The following PCDHA12 variants were observed in gnomAD, a reference collection of about 807,000 sequenced individuals.
The protein encoded by PCDHA12 is protocadherin alpha-12.
Under a neutral mutation model 60.0 loss-of-function variants are expected in PCDHA12, and 44 were observed. The ratio of observed to expected loss-of-function variants is 0.73; its 90% CI spans 0.58 to 0.94. The LOEUF (loss-of-function observed/expected upper bound fraction) is 0.94. Ranked by LOEUF, PCDHA12 falls within the 40% of genes least tolerant of loss-of-function variation. The pLI is 0.00. For synonymous variants in PCDHA12, 569 were observed against 553.0 expected, an observed-to-expected ratio of 1.03 and a Z score of -0.40; for missense variants, 1,276 against 1,239.7, an observed-to-expected ratio of 1.03 and a Z score of -0.44.
At chr5:141,007,869 T>C (rs2098349373) in intron 3 of PCDHA12, among the ~76,000 whole-genome samples, 1 of 152,262 alleles carries the variant, frequency 6.6e-6, no homozygotes, top group African/African-American at 2.4e-5. Flanking sequence ...TCTTTTCCTT[T>C]GTCTTACACT....
At chr5:140,982,360 AG>A in intron 2 of PCDHA12, 114 bp from the exon 3 acceptor site, 1 of 1,527,158 alleles carries the variant, frequency 6.5e-7, no homozygotes, top group Non-Finnish European at 8.8e-7. Context: ...AAGCATGAGC[AG>A]AATGTGTTAG....
chr5:140,951,966 C>G (rs1554220177), intron 1 of PCDHA12, among the ~76,000 whole-genome samples: 1 of 152,128 alleles, frequency 6.6e-6, no homozygotes, highest in African/African-American at 2.4e-5. Flanking sequence ...GGTAAATACT[C>G]CTGTTCCAAA....
intron 1 of PCDHA12, among the ~76,000 whole-genome samples, chr5:140,889,628 TTTTC>T (rs2062304515): frequency 6.6e-6 from 1 of 152,186 alleles, no homozygotes; most frequent in African/African-American, 2.4e-5. Flanking sequence ...ATTTCTCTTC[TTTTC>T]ATTTGTGTTT....
intron 1 of PCDHA12, chr5:140,930,518 T>G (rs782236970): frequency 3.3e-5 from 5 of 152,592 alleles, no homozygotes; most frequent in Non-Finnish European, 5.9e-5. Flanking sequence ...CCACTGCAGC[T>G]GGCCCTCAAA....
intron 1 of PCDHA12, among the ~76,000 whole-genome samples, chr5:140,905,012 C>A (rs1335177928): frequency 6.6e-6 from 1 of 152,054 alleles, no homozygotes; most frequent in Non-Finnish European, 1.5e-5. Context: ...TTTGCTAATT[C>A]TTTTCTATGC....
chr5:140,912,227 C>T (rs1422799663), intron 1 of PCDHA12, among the ~76,000 whole-genome samples: 1 of 151,784 alleles, frequency 6.6e-6, no homozygotes, highest in Non-Finnish European at 1.5e-5. Flanking sequence ...TTTCCCAGTC[C>T]ACTGACTCAA....
chr5:140,950,581 C>T (rs1158445917), intron 1 of PCDHA12, among the ~76,000 whole-genome samples: 2 of 151,860 alleles, frequency 1.3e-5, no homozygotes, highest in Non-Finnish European at 2.9e-5. Flanking sequence ...TTCTACTTAC[C>T]TTTGGTTTAG....
chr5:140,875,342 A>T lies in PCDHA12; in HGVS notation c.-131A>T. On this transcript the variant is annotated 5_prime_UTR_variant, in exon 1 of 4. Transcript: ENST00000398631. ...TCATTCACGGAATAGGATCGACTCC[A>T]TAATGACTGTGATGCTGGAAAAAAT... 6.9e-7 allele frequency: 1 copy of T among 1,443,152 alleles called. No individual in the cohort carries two copies. Among genetic ancestry groups the T allele is most frequent in the Non-Finnish European group, 9.1e-7 (1 of 1,101,744 alleles). The allele number at this position is 1,443,152 out of a possible 1,614,324, so 89.4% of individuals were successfully genotyped here. A position where few individuals can be genotyped will look rare whatever the true frequency, so the allele number is the denominator to read the frequency against.
intron 3 of PCDHA12, among the ~76,000 whole-genome samples, chr5:141,003,906 T>C (rs2153979379): frequency 6.6e-6 from 1 of 152,260 alleles, no homozygotes; most frequent in South Asian, 2.1e-4. Context: ...TTCATTTGGG[T>C]CTTGACTGCA....
At position 141,001,385 on chromosome 5, in the gene PCDHA12, T is replaced by A. The variant is rs540420313; in HGVS notation, c.2516-8242T>A. 3.9e-5 allele frequency among the ~76,000 whole-genome samples: 6 copies of A among 152,316 alleles called. No homozygotes were observed. The East Asian group carries it at 1.2e-3, about 29-fold the overall frequency. ...ACTATTCTGATTACAGAGCCTAAGA[T>A]CCTACAGAGAACAGGGAGTATATTT... On this transcript the variant is annotated intron_variant, in intron 3 of 3. Transcript: ENST00000398631.
chr5:141,000,223 G>C (rs1190945878), intron 3 of PCDHA12, among the ~76,000 whole-genome samples: 1 of 151,642 alleles, frequency 6.6e-6, no homozygotes, highest in African/African-American at 2.4e-5. Context: ...AAATGCCTGT[G>C]TGGAGCTGAA....
intron 1 of PCDHA12, chr5:140,968,146 T>C: frequency 6.2e-7 from 1 of 1,614,140 alleles, no homozygotes. Flanking sequence ...TTGAGATCTC[T>C]GACATCAATG....
chr5:140,883,674 C>T (rs782029001), intron 1 of PCDHA12: 5 of 1,613,738 alleles, frequency 3.1e-6, no homozygotes, highest in African/African-American at 2.7e-5. Flanking sequence ...GAAAACAATC[C>T]GCCGGGCTGC....
chr5:141,000,776 G>A (rs1455881211), intron 3 of PCDHA12, among the ~76,000 whole-genome samples: 1 of 151,562 alleles, frequency 6.6e-6, no homozygotes, highest in Non-Finnish European at 1.5e-5. Context: ...GCATAGTGGC[G>A]CACACCTGTA....
intron 1 of PCDHA12, among the ~76,000 whole-genome samples, chr5:140,962,961 T>C (rs1483172996): frequency 1.3e-5 from 2 of 152,148 alleles, no homozygotes; most frequent in African/African-American, 4.8e-5. Flanking sequence ...TCTATCCCTA[T>C]ATAGGAAATT....
intron 1 of PCDHA12, among the ~76,000 whole-genome samples, chr5:140,957,748 G>T (rs2095381433): frequency 6.6e-6 from 1 of 152,080 alleles, no homozygotes; most frequent in South Asian, 2.1e-4. Context: ...GACATGAAAG[G>T]ATGTTCATTA....
intron 3 of PCDHA12, among the ~76,000 whole-genome samples, chr5:140,985,246 T>C (rs2097143888): frequency 6.6e-6 from 1 of 152,110 alleles, no homozygotes; most frequent in African/African-American, 2.4e-5. Flanking sequence ...CTAATCTTCT[T>C]ACTCTTTTTT....
At chr5:140,883,316 G>A in intron 1 of PCDHA12, 1 of 1,614,078 alleles carries the variant, frequency 6.2e-7, no homozygotes, top group East Asian at 2.2e-5. Context: ...CGCCCCAGAG[G>A]TTACCATCAC....
chr5:140,986,947 C>T (rs983987541), intron 3 of PCDHA12, among the ~76,000 whole-genome samples: 1 of 152,160 alleles, frequency 6.6e-6, no homozygotes, highest in African/African-American at 2.4e-5. Context: ...GGTGTGGTCG[C>T]TCATGCCTGT....
Sources: allele counts gnomAD v4.1 joint callset (sites outside exome capture counted in the v4.1 genomes callset), GRCh38; gene constraint gnomAD v4.1.1; transcripts MANE v1.5; gene names NCBI Gene and HGNC (gene_info 2026-07-23, HGNC 2026-07-21).